Variants in XRN2 observed in about 807,000 individuals in gnomAD.
XRN2 encodes DHM1-like protein.
A neutral mutation model predicts 138.5 loss-of-function variants in XRN2; 44 were observed. The observed-to-expected ratio is 0.32, with a 90% CI of 0.25 to 0.41. XRN2 has a LOEUF of 0.41. Ranked by LOEUF, XRN2 falls within the 10% of genes least tolerant of loss-of-function variation. XRN2 has a pLI of 1.00. For missense variants in XRN2, 937 were observed against 1,169.3 expected, an observed-to-expected ratio of 0.80 and a Z score of 2.90; for synonymous variants, 354 against 369.4, an observed-to-expected ratio of 0.96 and a Z score of 0.48.
At chr20:21,359,418 C>T (rs1443611538) in intron 24 of XRN2, among the ~76,000 whole-genome samples, 1 of 151,758 alleles carries the variant, frequency 6.6e-6, no homozygotes, top group African/African-American at 2.4e-5. Context: ...TGCCTATAGT[C>T]CCAGCTACTC....
intron 14 of XRN2, among the ~76,000 whole-genome samples, chr20:21,339,433 T>C (rs552363095): frequency 6.6e-6 from 1 of 152,310 alleles, no homozygotes; most frequent in African/African-American, 2.4e-5. Context: ...TTTGTCAGAT[T>C]AATCTTTCTA....
chr20:21,314,991 A>G (rs1433610692), intron 1 of XRN2, among the ~76,000 whole-genome samples: 1 of 152,228 alleles, frequency 6.6e-6, no homozygotes, highest in African/African-American at 2.4e-5. Context: ...CAGGGGCCAC[A>G]CTTACATGGC....
Position 21,330,498 on chromosome 20 carries a change from G to A in XRN2, c.445G>A (p.Glu149Lys). 1 of 1,613,668 alleles carries A rather than the reference G, an allele frequency of 6.2e-7. No individual in the cohort carries two copies. The change falls in exon 5 of 30, where the codon GAA becomes AAA. Residue 149 changes from glutamate (E) to lysine (K), a missense_variant. By Grantham distance (56) the Glu-to-Lys change is moderately conservative. Transcript: ENST00000377191. ...ILAKGGFLPPEEIKERFDSNC... is the reference protein window; with the variant it reads ...ILAKGGFLPPKEIKERFDSNC... Reference sequence around the variant, plus strand: ...TTCTCTAGGTGGCTTTCTTCCTCCAGAAGAAATAAAAGAAAGATTTGACAG... The same window carrying A: ...TTCTCTAGGTGGCTTTCTTCCTCCAAAAGAAATAAAAGAAAGATTTGACAG...
At position 21,307,975 on chromosome 20, in the gene XRN2, C is replaced by T. The variant is rs1347762046; in HGVS notation, c.75+4502C>T. Among the ~76,000 whole-genome samples, 6 of 74,860 alleles carry T rather than the reference C, an allele frequency of 8.0e-5. 1 individual carries two copies. Among genetic ancestry groups the T allele is most frequent in the African/African-American group, 1.1e-4 (3 of 27,352 alleles). 49.1% of individuals were successfully genotyped at this position (74,860 alleles called of 152,430 possible). A position where few individuals can be genotyped will look rare whatever the true frequency, so the allele number is the denominator to read the frequency against. On this transcript the variant is annotated intron_variant, in intron 1 of 29. Coordinates refer to ENST00000377191, the MANE Select transcript of XRN2 (RefSeq NM_012255.5). ...TTTTTGAGATGGAGTCTCGCTCTGT[C>T]GCCCAGGCTGGAGTGCAGTGGTGCG...
chr20:21,326,174 T>C (rs1365045105), intron 1 of XRN2, 105 bp from the exon 2 acceptor site: 2 of 1,182,958 alleles, frequency 1.7e-6, no homozygotes, highest in Admixed American at 4.9e-5. Context: ...ACTTGAAGTG[T>C]TTTATTTCCA....
chr20:21,382,111 G>T, intron 28 of XRN2, 54 bp downstream of exon 28: 3 of 1,456,326 alleles, frequency 2.1e-6, no homozygotes, highest in Non-Finnish European at 1.9e-6. Context: ...CAACATTTGG[G>T]GTTTATGGTT....
chr20:21,324,710 G>T (rs1230132604), intron 1 of XRN2, among the ~76,000 whole-genome samples: 2 of 152,064 alleles, frequency 1.3e-5, no homozygotes, highest in Non-Finnish European at 2.9e-5. Flanking sequence ...CATAGCTCAC[G>T]GCAGCCTTGA....
At chr20:21,307,976 G>A (rs1323009967) in intron 1 of XRN2, among the ~76,000 whole-genome samples, 1 of 73,938 alleles carries the variant, frequency 1.4e-5, no homozygotes, top group South Asian at 8.7e-4. Flanking sequence ...TCGCTCTGTC[G>A]CCCAGGCTGG....
In XRN2 at chr20:21,305,553, C is replaced by CTTTTTTT. The variant is rs1180206108; in HGVS notation, c.75+2097_75+2103dup. ...ACAGGCATGAGCCACCATACGTGGC[C>CTTTTTTT]TTTTTTTTTTTTTTTTTTTTTTTGG... On this transcript the variant is annotated intron_variant, in intron 1 of 29. Transcript: ENST00000377191. 5.7e-3 allele frequency among the ~76,000 whole-genome samples: 114 copies of CTTTTTTT among 19,828 alleles called. 6 individuals carry two copies. The highest frequency in any genetic ancestry group is 0.05 in the Middle Eastern group (1 of 20). The allele number at this position is 19,828 out of a possible 152,430, so 13.0% of individuals were successfully genotyped here.
chr20:21,357,507 G>A (rs994672856), intron 23 of XRN2, among the ~76,000 whole-genome samples: 17 of 152,108 alleles, frequency 1.1e-4, no homozygotes, highest in Admixed American at 3.9e-4. Flanking sequence ...TATAGTTGCA[G>A]TTCTTTGAGT....
chr20:21,348,019 T>C (rs1043885820), intron 17 of XRN2, 127 bp from the exon 18 acceptor site: 1 of 741,596 alleles, frequency 1.3e-6, no homozygotes, highest in Middle Eastern at 3.7e-4. Flanking sequence ...ATTTGGAATA[T>C]ATGCCAGAAG....
At chr20:21,378,269 C>A (rs558738809) in intron 27 of XRN2, among the ~76,000 whole-genome samples, 1 of 152,258 alleles carries the variant, frequency 6.6e-6, no homozygotes, top group African/African-American at 2.4e-5. Context: ...AGTTGTTAAA[C>A]CCCCCATCCA....
intron 20 of XRN2, among the ~76,000 whole-genome samples, chr20:21,350,169 C>T (rs2038487504): frequency 6.6e-6 from 1 of 152,132 alleles, no homozygotes; most frequent in Admixed American, 6.5e-5. Flanking sequence ...AAAATTTGTA[C>T]TAACTTTAAG....
At chr20:21,369,035 A>G (rs913368966) in intron 27 of XRN2, among the ~76,000 whole-genome samples, 7 of 152,006 alleles carry the variant, frequency 4.6e-5, no homozygotes, top group Non-Finnish European at 7.4e-5. Context: ...CATAGCCATT[A>G]ACCATCCTCC....
intron 24 of XRN2, among the ~76,000 whole-genome samples, chr20:21,363,182 A>G (rs2038656806): frequency 6.6e-6 from 1 of 152,150 alleles, no homozygotes; most frequent in Non-Finnish European, 1.5e-5. Flanking sequence ...GCTTTGACTC[A>G]GCATCTTTTC....
intron 27 of XRN2, among the ~76,000 whole-genome samples, chr20:21,370,038 T>C (rs2038744264): frequency 6.6e-6 from 1 of 152,200 alleles, no homozygotes. Flanking sequence ...TTTTATATGA[T>C]GAGAGATAAA....
intron 27 of XRN2, among the ~76,000 whole-genome samples, chr20:21,375,043 A>C (rs532910933): frequency 9.4e-6 from 1 of 105,848 alleles, no homozygotes; most frequent in Admixed American, 1.1e-4. Flanking sequence ...TTTGGTGGGA[A>C]TGTGCCCATT....
rs2038074551 is a variant in XRN2 at position 21,323,325 on chromosome 20, T to A, written c.76-2954T>A. Among the ~76,000 whole-genome samples the A allele has an allele frequency of 2.0e-5, 3 of 152,350 alleles. No individual in the cohort carries two copies. The South Asian group carries it at 6.2e-4, about 32-fold the overall frequency. On this transcript the variant is annotated intron_variant, in intron 1 of 29. Transcript: ENST00000377191. ...TTTGTTTGTTTGGTCTTTCATGTGG[T>A]CTTGGGGTAGAAAGGGAAGACTGCA...
intron 3 of XRN2, 59 bp downstream of exon 3, chr20:21,326,660 T>C: frequency 7.3e-7 from 1 of 1,361,456 alleles, no homozygotes; most frequent in Non-Finnish European, 1.0e-6. Context: ...GTTACCAGTG[T>C]CTAGAATGAA....
Sources: gnomAD v4.1 joint callset for allele counts (sites outside exome capture counted in the v4.1 genomes callset) on GRCh38, gnomAD v4.1.1 for gene constraint, MANE v1.5 for transcripts, NCBI Gene and HGNC (gene_info 2026-07-23, HGNC 2026-07-21) for gene names.